DDX10: variants seen among roughly 807,000 people sequenced by gnomAD.
The protein encoded by DDX10 is DEAD-box helicase 10.
DDX10 carries 74 observed loss-of-function variants against 104.3 expected under a neutral mutation model. The observed-to-expected ratio is 0.71, with a 90% confidence interval of 0.59 to 0.86. The LOEUF (loss-of-function observed/expected upper bound fraction) is 0.86, where lower values mean the gene tolerates loss of function less well. DDX10 is among the 40% of genes least tolerant of loss of function. The probability of loss-of-function intolerance (pLI) is 0.00; values close to 1 mark genes in which losing one functional copy is unlikely to be tolerated. For synonymous variants in DDX10, 351 were observed against 353.4 expected, an observed-to-expected ratio of 0.99 and a Z score of 0.08; for missense variants, 952 against 1,040.0, an observed-to-expected ratio of 0.92 and a Z score of 1.16.
Position 108,810,971 on chromosome 11 carries a change from C to T in DDX10, c.1966-27475C>T, listed in dbSNP as rs374494656. 2.0e-5 allele frequency among the ~76,000 whole-genome samples: 3 copies of T among 152,252 alleles called. No individual in the cohort carries two copies. In the South Asian group the frequency reaches 6.2e-4, roughly 32 times the overall value. On this transcript the variant is annotated intron_variant, in intron 13 of 17. Transcript: ENST00000322536. ...TATACTTTTTCTCATAGTACTTAAA[C>T]ATTCTTATCATTTTTCCTTGTCTAT...
intron 4 of DDX10, 94 bp from the exon 5 acceptor site, chr11:108,678,221 G>C (rs2134440085): frequency 7.9e-7 from 1 of 1,260,444 alleles, no homozygotes; most frequent in African/African-American, 1.5e-5. Flanking sequence ...AAAATGTTGT[G>C]ATGAAATGCC....
chr11:108,826,438 A>C (rs1037925722), intron 13 of DDX10, among the ~76,000 whole-genome samples: 47 of 152,314 alleles, frequency 3.1e-4, no homozygotes, highest in African/African-American at 1.0e-3. Flanking sequence ...AGGGCACACC[A>C]TGACCATGAG....
chr11:108,719,678 A>T (rs1179042250), intron 11 of DDX10, 119 bp from the exon 12 acceptor site: 3 of 595,138 alleles, frequency 5.0e-6, no homozygotes, highest in Admixed American at 6.3e-5. Context: ...GATATACTGA[A>T]CTATTTCGTG....
chr11:108,684,176 C>CTTTT (rs55949043), intron 6 of DDX10, among the ~76,000 whole-genome samples: 2 of 26,680 alleles, frequency 7.5e-5, no homozygotes, highest in South Asian at 1.5e-3. Context: ...TATAGATTTT[C>CTTTT]TTTTTTTTTT....
intron 13 of DDX10, among the ~76,000 whole-genome samples, chr11:108,736,040 G>A (rs966397512): frequency 3.9e-5 from 6 of 152,032 alleles, no homozygotes; most frequent in South Asian, 4.1e-4. Context: ...TTCTCAAGCC[G>A]TCTTTGCTGA....
At chr11:108,883,087 T>C (rs1182824771) in intron 16 of DDX10, among the ~76,000 whole-genome samples, 1 of 152,136 alleles carries the variant, frequency 6.6e-6, no homozygotes, top group African/African-American at 2.4e-5. Flanking sequence ...TGACATGCTT[T>C]CTCTGCTTAA....
chr11:108,789,017 C>T (rs1010867543), intron 13 of DDX10, among the ~76,000 whole-genome samples: 4 of 152,142 alleles, frequency 2.6e-5, no homozygotes, highest in African/African-American at 9.7e-5. Flanking sequence ...CTGGGCTGGC[C>T]CTGTTGAGTG....
At chr11:108,675,503 A>C in intron 2 of DDX10, 93 bp from the exon 3 acceptor site, 2 of 1,422,868 alleles carry the variant, frequency 1.4e-6, no homozygotes, top group Non-Finnish European at 9.6e-7. Context: ...TTAGGGCTTC[A>C]ACATAGGAAT....
rs549964517 is a variant in DDX10, at chr11:108,918,780, C to T, written c.2450+762C>T. 3.3e-5 allele frequency: 5 copies of T among 152,298 alleles called. No homozygotes were observed. In the South Asian group the frequency reaches 1.0e-3, roughly 32 times the overall value. The allele number at this position is 152,298 out of a possible 1,614,324, so 9.4% of individuals were successfully genotyped here. A position where few individuals can be genotyped will look rare whatever the true frequency, so the allele number is the denominator to read the frequency against. ...GTGATGAATAATAATATGACTTGCTCACCATTTGTTTTCAGAGTACTATGT... is the reference window on the plus strand; with the variant it reads ...GTGATGAATAATAATATGACTTGCTTACCATTTGTTTTCAGAGTACTATGT... On this transcript the variant is annotated intron_variant, in intron 17 of 17. Coordinates refer to ENST00000322536, the MANE Select transcript of DDX10 (RefSeq NM_004398.4).
intron 17 of DDX10, among the ~76,000 whole-genome samples, chr11:108,926,927 A>T (rs1863916623): frequency 6.6e-6 from 1 of 152,218 alleles, no homozygotes; most frequent in Non-Finnish European, 1.5e-5. Context: ...GAATGCAAGA[A>T]GGAGAGTTTT....
At chr11:108,766,679 G>A (rs1163272441) in intron 13 of DDX10, among the ~76,000 whole-genome samples, 1 of 152,164 alleles carries the variant, frequency 6.6e-6, no homozygotes, top group Non-Finnish European at 1.5e-5. Flanking sequence ...TGTGGTTTTT[G>A]AGATTAAATT....
chr11:108,822,370 T>G (rs1862336832), intron 13 of DDX10: 3 of 402,424 alleles, frequency 7.5e-6, no homozygotes, highest in Non-Finnish European at 1.5e-5. Flanking sequence ...AGCTATCAAG[T>G]CTGCCCTTTC....
At chr11:108,781,526 G>A (rs2094378106) in intron 13 of DDX10, among the ~76,000 whole-genome samples, 1 of 152,098 alleles carries the variant, frequency 6.6e-6, no homozygotes, top group Non-Finnish European at 1.5e-5. Context: ...TGAACTATAT[G>A]GAGGGATTAT....
At chr11:108,857,763 G>A (rs936739316) in intron 16 of DDX10, among the ~76,000 whole-genome samples, 4 of 152,182 alleles carry the variant, frequency 2.6e-5, no homozygotes, top group Non-Finnish European at 4.4e-5. Context: ...TTTATATGAC[G>A]CTGAAGCGTT....
At position 108,679,416 on chromosome 11, in the gene DDX10, C is replaced by A; in HGVS notation, c.704C>A (p.Thr235Asn). The change falls in exon 6 of 18, where the codon ACC (threonine) becomes AAC (asparagine). Residue 235 changes from threonine to asparagine, a missense_variant. Coordinates refer to ENST00000322536, the MANE Select transcript of DDX10 (RefSeq NM_004398.4). ...ATCTTGGATATGGGCTTTGCTGATA[C>A]CATGAATGCTGTTATTGAAAATCTC... ...DRILDMGFADTMNAVIENLPK... is the reference protein window; with the variant it reads ...DRILDMGFADNMNAVIENLPK... 1.9e-6 allele frequency: 3 copies of A among 1,609,872 alleles called. No homozygotes were observed. The highest frequency in any genetic ancestry group is 2.5e-6 in the Non-Finnish European group (3 of 1,179,242).
intron 13 of DDX10, among the ~76,000 whole-genome samples, chr11:108,797,743 G>A (rs571004526): frequency 2.0e-4 from 30 of 152,300 alleles, no homozygotes; most frequent in Admixed American, 3.3e-4. Context: ...ACACAACAGT[G>A]GTTATTTGCT....
At chr11:108,760,373 A>G (rs1484451897) in intron 13 of DDX10, among the ~76,000 whole-genome samples, 4 of 152,186 alleles carry the variant, frequency 2.6e-5, no homozygotes, top group East Asian at 1.9e-4. Context: ...AGGGAAGGAC[A>G]TGGAAATGCT....
At chr11:108,903,068 G>A (rs1863539365) in intron 16 of DDX10, among the ~76,000 whole-genome samples, 1 of 152,094 alleles carries the variant, frequency 6.6e-6, no homozygotes, top group African/African-American at 2.4e-5. Context: ...CATGTCCACA[G>A]GAAAACTTGA....
chr11:108,868,248 G>A (rs1164474554), intron 16 of DDX10: 1 of 152,050 alleles, frequency 6.6e-6, no homozygotes, highest in Non-Finnish European at 1.5e-5. Flanking sequence ...TTCAGATGAG[G>A]AAAGGAGACT....
Sources: gnomAD v4.1 joint callset for allele counts (sites outside exome capture counted in the v4.1 genomes callset) on GRCh38, gnomAD v4.1.1 for gene constraint, MANE v1.5 for transcripts, NCBI Gene and HGNC (gene_info 2026-07-23, HGNC 2026-07-21) for gene names.